The following ITPR2 variants were observed in gnomAD, a reference collection of about 807,000 sequenced individuals.
ITPR2 encodes the protein inositol 1,4,5-trisphosphate receptor type 2.
ITPR2 carries 207 observed loss-of-function variants against 317.1 expected under a neutral mutation model. The ratio of observed to expected loss-of-function variants is 0.65; its 90% CI spans 0.58 to 0.73. ITPR2 has a LOEUF of 0.73. ITPR2 is among the 30% of genes least tolerant of loss of function. The probability of loss-of-function intolerance (pLI) is 0.00; values close to 1 mark genes in which losing one functional copy is unlikely to be tolerated. For missense variants in ITPR2, 2,613 were observed against 3,284.0 expected (o/e 0.80, Z 4.99); for synonymous variants, 1,156 against 1,149.1 (o/e 1.01, Z -0.12).
intron 1 of ITPR2, among the ~76,000 whole-genome samples, chr12:26,814,990 A>C (rs574303781): frequency 6.6e-6 from 1 of 152,244 alleles, no homozygotes; most frequent in Non-Finnish European, 1.5e-5. Context: ...AAACTAGATA[A>C]GTGTTTTTGC....
At chr12:26,442,128 C>A (rs868765260) in intron 46 of ITPR2, among the ~76,000 whole-genome samples, 15 of 151,846 alleles carry the variant, frequency 9.9e-5, no homozygotes, top group African/African-American at 2.7e-4. Flanking sequence ...TGAAAATAGT[C>A]ATCTCCTTCC....
At chr12:26,389,340 C>T (rs1375350849) in intron 54 of ITPR2, among the ~76,000 whole-genome samples, 1 of 152,196 alleles carries the variant, frequency 6.6e-6, no homozygotes, top group Non-Finnish European at 1.5e-5. Context: ...GTTTGAATTT[C>T]AGATAAATAA....
chr12:26,695,735 C>G, intron 9 of ITPR2, 85 bp from the exon 10 acceptor site: 1 of 799,532 alleles, frequency 1.3e-6, no homozygotes, highest in Admixed American at 2.2e-5. Flanking sequence ...AATTAATATT[C>G]TATCCTCAAC....
intron 2 of ITPR2, among the ~76,000 whole-genome samples, chr12:26,778,591 C>A (rs1350418565): frequency 6.6e-6 from 1 of 152,224 alleles, no homozygotes. Flanking sequence ...CAGCAATATA[C>A]CTTCACTGTC....
chr12:26,467,421 T>A (rs1415051778), intron 45 of ITPR2, among the ~76,000 whole-genome samples: 1 of 152,136 alleles, frequency 6.6e-6, no homozygotes, highest in East Asian at 1.9e-4. Flanking sequence ...GTTATTGACT[T>A]TGATTAGGGA....
intron 55 of ITPR2, among the ~76,000 whole-genome samples, chr12:26,366,196 A>G (rs1167395214): frequency 6.6e-6 from 1 of 152,182 alleles, no homozygotes; most frequent in Non-Finnish European, 1.5e-5. Context: ...TGCTAGCTTA[A>G]TGGCTAATGA....
At chr12:26,422,899 T>A (rs1194669793) in intron 49 of ITPR2, among the ~76,000 whole-genome samples, 1 of 152,210 alleles carries the variant, frequency 6.6e-6, no homozygotes, top group Non-Finnish European at 1.5e-5. Flanking sequence ...AACTTCTTAC[T>A]AAACATGAGA....
At chr12:26,787,768 G>T (rs564857077) in intron 2 of ITPR2, among the ~76,000 whole-genome samples, 2 of 152,212 alleles carry the variant, frequency 1.3e-5, no homozygotes, top group South Asian at 4.2e-4. Flanking sequence ...TATTTTGGGG[G>T]ATACAGACTA....
chr12:26,401,166 T>C (rs932699418), intron 52 of ITPR2, among the ~76,000 whole-genome samples: 1 of 151,934 alleles, frequency 6.6e-6, no homozygotes, highest in African/African-American at 2.4e-5. Flanking sequence ...GAGGTAGAGA[T>C]TGCAGTGAGC....
At chr12:26,443,495 G>A in intron 46 of ITPR2, 48 bp downstream of exon 46, 2 of 1,404,222 alleles carry the variant, frequency 1.4e-6, no homozygotes, top group Non-Finnish European at 2.0e-6. Context: ...TAGGAAGTAA[G>A]CATAACTTTT....
chr12:26,621,965 A>G (rs1362279028), intron 25 of ITPR2, among the ~76,000 whole-genome samples: 1 of 152,222 alleles, frequency 6.6e-6, no homozygotes, highest in Non-Finnish European at 1.5e-5. Context: ...AGTGGTAACA[A>G]AATTCCTAAC....
chr12:26,699,312 C>T (rs1459845068), intron 9 of ITPR2, among the ~76,000 whole-genome samples: 2 of 152,118 alleles, frequency 1.3e-5, no homozygotes, highest in Non-Finnish European at 2.9e-5. Flanking sequence ...TACGTATTTC[C>T]CCTGCTTAGG....
chr12:26,399,017 C>T lies in ITPR2; in HGVS notation c.7555G>A (p.Val2519Ile), dbSNP rs779700879. The change falls in exon 54 of 57, where the codon GTT becomes ATT. Residue 2519 changes from valine (V) to isoleucine (I), a missense_variant. By Grantham distance (29) the Val-to-Ile change is conservative. This residue lies in a region of ITPR2 where 113 missense variants were observed against 129.2 expected (regional missense o/e 0.87). Transcript: ENST00000381340. ...ATGAAATAAAAAAGAAGGTCATAAA[C>T]CACTCGGGCAGCAAACAAGGGCTCC... ...KDEPLFAARV[V>I]YDLLFYFIVI... 1 of 1,587,372 alleles carries T rather than the reference C, an allele frequency of 6.3e-7. No homozygotes were observed. Among genetic ancestry groups the T allele is most frequent in the South Asian group, 1.2e-5 (1 of 85,494 alleles).
chr12:26,663,557 C>A, intron 15 of ITPR2, 128 bp downstream of exon 15: 3 of 875,932 alleles, frequency 3.4e-6, no homozygotes, highest in Admixed American at 2.6e-5. Flanking sequence ...TATGTATTGC[C>A]CAACATAAAA....
chr12:26,403,736 T>C (rs764679972), intron 52 of ITPR2, among the ~76,000 whole-genome samples: 1 of 152,144 alleles, frequency 6.6e-6, no homozygotes, highest in Non-Finnish European at 1.5e-5. Context: ...GACTCTATAT[T>C]AAGTAGTAGA....
chr12:26,479,797 G>T (rs567642771), intron 43 of ITPR2, among the ~76,000 whole-genome samples: 22 of 152,262 alleles, frequency 1.4e-4, no homozygotes, highest in Admixed American at 1.3e-3. Context: ...ATTTAAGCTG[G>T]GTGTGGTGGC....
chr12:26,439,205 G>A lies in ITPR2; in HGVS notation c.6565C>T (p.Gln2189Ter), dbSNP rs777589971. Residue 2189 changes from glutamine to a stop codon, truncating the protein, a stop_gained, in exon 47 of 57, where the codon CAA becomes TAA. Transcript: ENST00000381340. LOFTEE classifies it high-confidence loss of function. ...RVFNTTERDE[Q>*]GSKVNDFFQQ... is the part of the protein sequence containing the mutation. ...AAAAAGTCATTCACTTTACTTCCTTGTTCATCCCTTTCAGTTGTATTGAAC... is the reference window on the plus strand; with the variant it reads ...AAAAAGTCATTCACTTTACTTCCTTATTCATCCCTTTCAGTTGTATTGAAC... The A allele has an allele frequency of 8.7e-6, 14 of 1,612,766 alleles. No homozygotes were observed. Among genetic ancestry groups the A allele is most frequent in the African/African-American group, 2.7e-5 (2 of 74,832 alleles).
At chr12:26,365,766 G>A (rs1294209136) in intron 55 of ITPR2, among the ~76,000 whole-genome samples, 1 of 152,214 alleles carries the variant, frequency 6.6e-6, no homozygotes, top group Non-Finnish European at 1.5e-5. Flanking sequence ...CAATGTCAAT[G>A]AAGAGGGCAG....
intron 1 of ITPR2, among the ~76,000 whole-genome samples, chr12:26,804,090 A>G (rs1322773038): frequency 6.6e-6 from 1 of 152,168 alleles, no homozygotes; most frequent in African/African-American, 2.4e-5. Flanking sequence ...TTCTGAGTCA[A>G]CTAGTAAATA....
Sources: allele counts gnomAD v4.1 joint callset (sites outside exome capture counted in the v4.1 genomes callset), GRCh38; gene constraint gnomAD v4.1.1; regional missense constraint gnomAD v4.1.1; transcripts MANE v1.5; gene names NCBI Gene and HGNC (gene_info 2026-07-23, HGNC 2026-07-21).